Variants in ST3GAL3 observed in about 807,000 individuals in gnomAD.
ST3GAL3 encodes ST3 beta-galactoside alpha-2,3-sialyltransferase 3, also known as CMP-N-acetylneuraminate-beta-1,4-galactoside alpha-2,3-sialyltransferase.
In ST3GAL3, 21 loss-of-function variants were observed where a neutral mutation model predicts 50.1. The observed-to-expected ratio is 0.42, with a 90% confidence interval of 0.30 to 0.60. The LOEUF is 0.60. ST3GAL3 is among the 20% of genes least tolerant of loss of function. The pLI is 0.19. For synonymous variants in ST3GAL3, 183 were observed against 190.0 expected (o/e 0.96, Z 0.30); for missense variants, 353 against 489.4 (o/e 0.72, Z 2.63).
intron 5 of ST3GAL3, among the ~76,000 whole-genome samples, chr1:43,880,235 G>A (rs1430281129): frequency 6.6e-6 from 1 of 152,218 alleles, no homozygotes; most frequent in Non-Finnish European, 1.5e-5. Context: ...TAAAAGGTCA[G>A]TGTGACTTAC....
intron 2 of ST3GAL3, among the ~76,000 whole-genome samples, chr1:43,783,457 G>T (rs1700007384): frequency 6.6e-6 from 1 of 152,186 alleles, no homozygotes; most frequent in South Asian, 2.1e-4. Context: ...TGATTGGGCT[G>T]TCTTTCATTT....
At chr1:43,710,277 T>TAATAGA (rs1465734700) in intron 1 of ST3GAL3, among the ~76,000 whole-genome samples, 3 of 152,180 alleles carry the variant, frequency 2.0e-5, no homozygotes, top group African/African-American at 7.2e-5. Flanking sequence ...AGACGGGGTT[T>TAATAGA]CACCATGTTG....
At chr1:43,892,292 CT>C (rs2076792324) in intron 5 of ST3GAL3, among the ~76,000 whole-genome samples, 1 of 152,104 alleles carries the variant, frequency 6.6e-6, no homozygotes, top group Non-Finnish European at 1.5e-5. Context: ...AGTTCTCACA[CT>C]GTCACCCAGG....
intron 5 of ST3GAL3, chr1:43,839,847 G>A (rs1342994450): frequency 6.6e-6 from 1 of 152,176 alleles, no homozygotes; most frequent in Admixed American, 6.5e-5. Flanking sequence ...AGGAGCAAGT[G>A]AGTGAAGGAG....
intron 2 of ST3GAL3, among the ~76,000 whole-genome samples, chr1:43,756,936 G>A (rs1440490552): frequency 3.3e-5 from 5 of 151,982 alleles, no homozygotes; most frequent in South Asian, 2.1e-4. Context: ...GCAGGGTCTC[G>A]CTCTGTCACC....
chr1:43,867,155 G>T (rs568057831), intron 5 of ST3GAL3, among the ~76,000 whole-genome samples: 3 of 152,120 alleles, frequency 2.0e-5, no homozygotes, highest in African/African-American at 7.2e-5. Context: ...ATCAGATCTC[G>T]TGAGACTCAT....
chr1:43,820,765 CTGT>C (rs2061991214), intron 4 of ST3GAL3, among the ~76,000 whole-genome samples: 1 of 152,076 alleles, frequency 6.6e-6, no homozygotes, highest in African/African-American at 2.4e-5. Flanking sequence ...ACTACAAGAT[CTGT>C]TGTTGAAGAA....
intron 9 of ST3GAL3, among the ~76,000 whole-genome samples, chr1:43,906,453 T>C (rs1405597854): frequency 1.9e-5 from 2 of 104,788 alleles, no homozygotes; most frequent in East Asian, 2.9e-4. Context: ...CTCCTCCTGC[T>C]CCTCTCCCAC....
intron 2 of ST3GAL3, among the ~76,000 whole-genome samples, chr1:43,752,754 C>T (rs1686657325): frequency 6.6e-6 from 1 of 152,172 alleles, no homozygotes; most frequent in African/African-American, 2.4e-5. Flanking sequence ...CCTCCCACCT[C>T]AGACTCCCAA....
At chr1:43,844,752 G>A (rs559121524) in intron 5 of ST3GAL3, among the ~76,000 whole-genome samples, 248 of 152,082 alleles carry the variant, frequency 1.6e-3, no homozygotes, top group African/African-American at 5.5e-3. Flanking sequence ...GCGTGAACCC[G>A]GGAGGCAGAG....
At chr1:43,924,373 C>T (rs1356085963) in intron 11 of ST3GAL3, among the ~76,000 whole-genome samples, 3 of 152,222 alleles carry the variant, frequency 2.0e-5, no homozygotes, top group East Asian at 1.9e-4. Flanking sequence ...TCTACGTTTA[C>T]TTATATCTTT....
chr1:43,710,246 T>C (rs2154055242), intron 1 of ST3GAL3, among the ~76,000 whole-genome samples: 1 of 152,242 alleles, frequency 6.6e-6, no homozygotes, highest in Non-Finnish European at 1.5e-5. Flanking sequence ...CACACCCGGC[T>C]AATTTTTGTA....
Position 43,894,492 on chromosome 1 carries a change from C to T in ST3GAL3, c.397+15C>T. 1.2e-6 allele frequency: 2 copies of T among 1,609,616 alleles called. No homozygotes were observed. Among genetic ancestry groups the T allele is most frequent in the Non-Finnish European group, 1.7e-6 (2 of 1,175,922 alleles). ...CAAAGGTCAAGGTATGTTGGGAACC[C>T]TGACCTACATTAACATCTCATCCCC... is the stretch of plus-strand genomic sequence containing the variant. On this transcript the variant is annotated intron_variant, in intron 6 of 11. Transcript: ENST00000347631.
intron 5 of ST3GAL3, among the ~76,000 whole-genome samples, chr1:43,867,476 G>A (rs2071615715): frequency 6.6e-6 from 1 of 152,228 alleles, no homozygotes; most frequent in African/African-American, 2.4e-5. Context: ...GAAAGATGTA[G>A]ATAGTCATTT....
chr1:43,836,007 A>G (rs2064270769), intron 4 of ST3GAL3, among the ~76,000 whole-genome samples: 1 of 152,158 alleles, frequency 6.6e-6, no homozygotes, highest in African/African-American at 2.4e-5. Context: ...GAGTTCCTCC[A>G]CTGGTGTTAG....
At chr1:43,717,271 A>G (rs1667848296) in intron 1 of ST3GAL3, among the ~76,000 whole-genome samples, 1 of 152,184 alleles carries the variant, frequency 6.6e-6, no homozygotes, top group African/African-American at 2.4e-5. Flanking sequence ...GTGTGTAACA[A>G]TGACTTTTGC....
intron 3 of ST3GAL3, among the ~76,000 whole-genome samples, chr1:43,793,832 C>G (rs961280669): frequency 2.0e-5 from 3 of 152,142 alleles, no homozygotes; most frequent in Non-Finnish European, 4.4e-5. Context: ...CCTATAATCT[C>G]AGCACTTTGG....
chr1:43,847,384 G>A (rs2066434514), intron 5 of ST3GAL3, among the ~76,000 whole-genome samples: 1 of 152,208 alleles, frequency 6.6e-6, no homozygotes, highest in Non-Finnish European at 1.5e-5. Flanking sequence ...GAAGCAACCT[G>A]TGTTCATTGA....
At chr1:43,894,578 C>A in intron 6 of ST3GAL3, 101 bp downstream of exon 6, 1 of 1,026,690 alleles carries the variant, frequency 9.7e-7, no homozygotes, top group Non-Finnish European at 1.5e-6. Context: ...TGCTGAGAAT[C>A]CACCCTTCCT....
Sources: allele counts gnomAD v4.1 joint callset (sites outside exome capture counted in the v4.1 genomes callset), GRCh38; gene constraint gnomAD v4.1.1; transcripts MANE v1.5; gene names NCBI Gene and HGNC (gene_info 2026-07-23, HGNC 2026-07-21).